Variants in ANKFN1 observed in about 807,000 individuals in gnomAD.
ANKFN1 encodes the protein ankyrin repeat and fibronectin type-III domain-containing protein 1.
In ANKFN1, 74 loss-of-function variants were observed where a neutral mutation model predicts 108.7. The ratio of observed to expected loss-of-function variants is 0.68; its 90% CI spans 0.56 to 0.83. The LOEUF (loss-of-function observed/expected upper bound fraction) is 0.83, where lower values mean the gene tolerates loss of function less well. ANKFN1 is among the 40% of genes least tolerant of loss of function. ANKFN1 has a pLI of 0.00. For synonymous variants in ANKFN1, 547 were observed against 516.2 expected (o/e 1.06, Z -0.81); for missense variants, 1,505 against 1,382.3 (o/e 1.09, Z -1.41).
At chr17:56,208,959 C>A (rs767432085) in intron 1 of ANKFN1, among the ~76,000 whole-genome samples, 1 of 152,054 alleles carries the variant, frequency 6.6e-6, no homozygotes, top group Non-Finnish European at 1.5e-5. Context: ...CTAACTGCAA[C>A]CTCCGCCTCC....
At chr17:56,404,402 C>T (rs1426878462) in intron 8 of ANKFN1, among the ~76,000 whole-genome samples, 2 of 152,064 alleles carry the variant, frequency 1.3e-5, no homozygotes, top group Non-Finnish European at 2.9e-5. Context: ...ATTTGAAGAC[C>T]TTGTCTTCGA....
intron 4 of ANKFN1, among the ~76,000 whole-genome samples, chr17:56,074,037 G>A (rs1905151323): frequency 6.6e-6 from 1 of 152,182 alleles, no homozygotes; most frequent in Non-Finnish European, 1.5e-5. Context: ...TGGGTCATAT[G>A]GTAATTCTGT....
chr17:56,477,721 C>A, intron 16 of ANKFN1, 67 bp downstream of exon 16: 1 of 1,536,074 alleles, frequency 6.5e-7, no homozygotes, highest in South Asian at 1.3e-5. Flanking sequence ...GCTTGATGTG[C>A]CAGAAGGAAA....
intron 4 of ANKFN1, among the ~76,000 whole-genome samples, chr17:56,062,603 A>G (rs2143113373): frequency 7.6e-6 from 1 of 132,102 alleles, no homozygotes; most frequent in African/African-American, 3.0e-5. Flanking sequence ...ATTTTCCTCC[A>G]TCCCTTTATT....
At chr17:56,188,581 G>GTGTGTATATATATA (rs1212242378) in intron 1 of ANKFN1, among the ~76,000 whole-genome samples, 35 of 49,636 alleles carry the variant, frequency 7.1e-4, no homozygotes, top group Admixed American at 3.1e-3. Flanking sequence ...GTGTGTGTGT[G>GTGTGTATATATATA]TATATATATA....
intron 3 of ANKFN1, among the ~76,000 whole-genome samples, chr17:56,284,570 CCAT>C (rs1201005725): frequency 2.0e-5 from 3 of 152,076 alleles, no homozygotes; most frequent in Non-Finnish European, 4.4e-5. Context: ...GTGATGGAAA[CCAT>C]TAGAGTACAA....
intron 8 of ANKFN1, among the ~76,000 whole-genome samples, chr17:56,400,034 T>A (rs1370289614): frequency 6.6e-6 from 1 of 151,734 alleles, no homozygotes; most frequent in African/African-American, 2.4e-5. Flanking sequence ...TGAATTGTAC[T>A]ACTATAAACA....
intron 15 of ANKFN1, chr17:56,472,392 T>C (rs1390862479): frequency 6.6e-6 from 1 of 152,222 alleles, no homozygotes; most frequent in East Asian, 1.9e-4. Context: ...GCTGTAGTTA[T>C]TGAAAAAGCA....
chr17:56,296,679 G>A (rs778159752), intron 3 of ANKFN1, among the ~76,000 whole-genome samples: 4 of 152,016 alleles, frequency 2.6e-5, no homozygotes, highest in African/African-American at 4.8e-5. Flanking sequence ...GTAAGACTCC[G>A]TCTCAAAAAA....
rs768043754 is a variant in ANKFN1 at position 56,510,581 on chromosome 17, A to T, written c.2753A>T (p.Tyr918Phe). The T allele has an allele frequency of 3.9e-6, 6 of 1,536,034 alleles. No individual in the cohort carries two copies. The East Asian group carries it at 1.2e-4, about 31-fold the overall frequency. ...ALSPRDLDLV[Y>F]LSSHDIAQQT... ...AGCCCCAGAGACCTGGACCTGGTCT[A>T]CCTATCATCTCACGACATTGCGCAG... The change falls in exon 21 of 21, where the codon TAC (tyrosine) becomes TTC (phenylalanine). Residue 918 changes from tyrosine (Y) to phenylalanine (F), a missense_variant. By Grantham distance (22) the Tyr-to-Phe change is conservative (BLOSUM62 3). Transcript: ENST00000682825.
chr17:56,360,657 T>A (rs796080316), intron 6 of ANKFN1, among the ~76,000 whole-genome samples: 58 of 152,326 alleles, frequency 3.8e-4, no homozygotes, highest in African/African-American at 1.2e-3. Flanking sequence ...TTATCCCTTA[T>A]GAAAAGAATG....
chr17:56,088,691 CCTT>C (rs2143186200), intron 4 of ANKFN1, among the ~76,000 whole-genome samples: 1 of 151,286 alleles, frequency 6.6e-6, no homozygotes, highest in Non-Finnish European at 1.5e-5. Context: ...TGGCTGACAT[CCTT>C]CCAGGGAAAA....
At chr17:56,436,295 T>G (rs1421897829) in intron 8 of ANKFN1, among the ~76,000 whole-genome samples, 2 of 152,202 alleles carry the variant, frequency 1.3e-5, no homozygotes, top group Admixed American at 6.5e-5. Context: ...CTAGGTTTTG[T>G]CGAATACCTT....
At chr17:56,465,700 G>A (rs112214022) in intron 14 of ANKFN1, among the ~76,000 whole-genome samples, 5 of 152,304 alleles carry the variant, frequency 3.3e-5, no homozygotes, top group African/African-American at 1.2e-4. Context: ...CATATTGAGT[G>A]TGGCATCTTT....
At chr17:56,076,390 A>G (rs1287644420) in intron 4 of ANKFN1, among the ~76,000 whole-genome samples, 2 of 152,222 alleles carry the variant, frequency 1.3e-5, no homozygotes, top group African/African-American at 4.8e-5. Context: ...ACATTTGCAT[A>G]ATCTGCTAGT....
intron 16 of ANKFN1, among the ~76,000 whole-genome samples, chr17:56,478,734 A>G (rs909831453): frequency 2.6e-5 from 4 of 151,952 alleles, no homozygotes; most frequent in Non-Finnish European, 5.9e-5. Context: ...GAAAAAAAAA[A>G]GAAAGAAATT....
At chr17:56,047,166 T>C (rs1273777234) in intron 4 of ANKFN1, among the ~76,000 whole-genome samples, 1 of 152,172 alleles carries the variant, frequency 6.6e-6, no homozygotes, top group Non-Finnish European at 1.5e-5. Flanking sequence ...TGCTAAATAA[T>C]GTGCTGAGCA....
At chr17:56,408,986 G>A (rs958669835) in intron 8 of ANKFN1, among the ~76,000 whole-genome samples, 8 of 150,840 alleles carry the variant, frequency 5.3e-5, no homozygotes, top group East Asian at 2.0e-4. Context: ...GTGCAATGGC[G>A]CAATCTCAGC....
chr17:56,078,906 G>A (rs541405803), intron 4 of ANKFN1, among the ~76,000 whole-genome samples: 2 of 152,236 alleles, frequency 1.3e-5, no homozygotes, highest in South Asian at 2.1e-4. Context: ...CCTCACCCAC[G>A]GAGGACACAT....
Sources: allele counts gnomAD v4.1 joint callset (sites outside exome capture counted in the v4.1 genomes callset), GRCh38; gene constraint gnomAD v4.1.1; transcripts MANE v1.5; gene names NCBI Gene and HGNC (gene_info 2026-07-23, HGNC 2026-07-21).